The following BLTP1 variants were observed in gnomAD, a reference collection of about 807,000 sequenced individuals.
BLTP1 encodes fragile site-associated protein.
chr4:122,215,795 C>A, the BLTP1 span, among the ~76,000 whole-genome samples: 19 of 152,186 alleles, frequency 1.2e-4, no homozygotes, highest in East Asian at 2.1e-3. Context: ...GTCACCTGAG[C>A]AGTGTACACT....
chr4:122,180,177 C>G, the BLTP1 span: 2 of 985,038 alleles, frequency 2.0e-6, no homozygotes, highest in South Asian at 9.4e-5. Flanking sequence ...AGGATGTGAT[C>G]CCTGTAACGT....
chr4:122,355,727 T>C, the BLTP1 span: 1 of 1,463,172 alleles, frequency 6.8e-7, no homozygotes, highest in African/African-American at 1.4e-5. Context: ...ATAGTTGTCT[T>C]GAAAGCTATA....
At chr4:122,286,592 C>T in the BLTP1 span, 1 of 1,613,980 alleles carries the variant, frequency 6.2e-7, no homozygotes, top group Non-Finnish European at 8.5e-7. Context: ...TTGCGTTTTA[C>T]TTCAAAAGTT....
At chr4:122,267,137 C>G in the BLTP1 span, among the ~76,000 whole-genome samples, 6 of 133,716 alleles carry the variant, frequency 4.5e-5, no homozygotes, top group African/African-American at 1.7e-4. Context: ...CGGCTTACTG[C>G]AAGCTCCACC....
the BLTP1 span, chr4:122,164,290 A>G: frequency 1.6e-6 from 1 of 608,020 alleles, no homozygotes. Context: ...TTTCCCAACT[A>G]CAGCATCCTG....
the BLTP1 span, chr4:122,355,971 A>C: frequency 6.2e-7 from 1 of 1,609,418 alleles, no homozygotes; most frequent in Non-Finnish European, 8.5e-7. Flanking sequence ...TTCAAGAACC[A>C]CAGGAGCCTT....
chr4:122,210,093 G>A, the BLTP1 span: 79,973 of 879,928 alleles, frequency 0.091, 4,644 homozygotes, highest in African/African-American at 0.26. Context: ...TTTACTTTGT[G>A]TCAAATGTTG....
chr4:122,299,808 T>A, the BLTP1 span: 1 of 984,800 alleles, frequency 1.0e-6, no homozygotes, highest in Non-Finnish European at 1.2e-6. Flanking sequence ...AGGTAAGGGA[T>A]GATTGTAGAT....
chr4:122,218,017 G>C, the BLTP1 span, among the ~76,000 whole-genome samples: 3 of 152,102 alleles, frequency 2.0e-5, no homozygotes, highest in East Asian at 5.8e-4. Context: ...GTTCATAGTA[G>C]CCTTGAATGA....
At chr4:122,346,936 A>G in the BLTP1 span, 6 of 865,648 alleles carry the variant, frequency 6.9e-6, no homozygotes, top group Non-Finnish European at 6.9e-6. Context: ...CACTGAGGAT[A>G]TATCAGAGAA....
the BLTP1 span, among the ~76,000 whole-genome samples, chr4:122,358,561 C>T: frequency 1.3e-5 from 2 of 152,122 alleles, no homozygotes; most frequent in Admixed American, 6.5e-5. Flanking sequence ...ATTTAGAGAA[C>T]ATCAAAATAA....
chr4:122,235,497 C>G, the BLTP1 span: 2 of 981,006 alleles, frequency 2.0e-6, no homozygotes, highest in Non-Finnish European at 1.2e-6. Context: ...AAAAGAACTC[C>G]AGTCTTAGAA....
At chr4:122,169,796 G>T in the BLTP1 span, 8 of 984,528 alleles carry the variant, frequency 8.1e-6, no homozygotes, top group Non-Finnish European at 9.6e-6. Context: ...GTATCTGATA[G>T]CAGGAGGTCT....
At chr4:122,341,919 A>G in the BLTP1 span, 1 of 613,566 alleles carries the variant, frequency 1.6e-6, no homozygotes, top group African/African-American at 2.0e-5. Context: ...GAGAGAATAC[A>G]AAATGCACGA....
the BLTP1 span, chr4:122,170,581 T>G: frequency 6.8e-7 from 1 of 1,465,036 alleles, no homozygotes; most frequent in African/African-American, 1.5e-5. Flanking sequence ...TTTATAAATC[T>G]CTGATTCTAA....
chr4:122,244,103 T>C, the BLTP1 span: 4 of 1,402,182 alleles, frequency 2.9e-6, no homozygotes, highest in South Asian at 3.6e-5. Context: ...ATATGTGATA[T>C]GTTCGTGTAG....
At chr4:122,359,741 C>T in the BLTP1 span, 11 of 1,584,708 alleles carry the variant, frequency 6.9e-6, no homozygotes, top group South Asian at 2.3e-5. Context: ...TGAGTATATA[C>T]ATTTACCCAT....
chr4:122,344,722 C>A, the BLTP1 span: 1 of 1,260,058 alleles, frequency 7.9e-7, no homozygotes. Flanking sequence ...CTGTGTCAAT[C>A]CAAGTAATAA....
the BLTP1 span, chr4:122,184,871 G>T: frequency 2.0e-6 from 2 of 984,578 alleles, no homozygotes; most frequent in African/African-American, 3.5e-5. Context: ...TGCTCTAGCT[G>T]TTGGAATACT....
Sources: gnomAD v4.1 joint callset for allele counts (sites outside exome capture counted in the v4.1 genomes callset) on GRCh38, gnomAD v4.1.1 for gene constraint, MANE v1.5 for transcripts, NCBI Gene and HGNC (gene_info 2026-07-23, HGNC 2026-07-21) for gene names.